FGGY: variants seen among roughly 807,000 people sequenced by gnomAD.
FGGY encodes the protein FGGY carbohydrate kinase domain containing.
A neutral mutation model predicts 71.3 loss-of-function variants in FGGY; 72 were observed. The observed-to-expected ratio is 1.01, with a 90% CI of 0.84 to 1.23. The LOEUF (loss-of-function observed/expected upper bound fraction) is 1.23. Ranked by LOEUF, FGGY falls within the 50% of genes most tolerant of loss-of-function variation. The pLI is 0.00. For missense variants in FGGY, 668 were observed against 682.3 expected (o/e 0.98, Z 0.23); for synonymous variants, 251 against 250.3 (o/e 1.00, Z -0.02).
At chr1:59,461,171 GA>G (rs2092175122) in intron 6 of FGGY, among the ~76,000 whole-genome samples, 2 of 152,076 alleles carry the variant, frequency 1.3e-5, no homozygotes, top group Admixed American at 6.6e-5. Context: ...TAAAAACCTT[GA>G]AAAAAGATTA....
intron 5 of FGGY, among the ~76,000 whole-genome samples, chr1:59,424,450 G>T (rs1288866614): frequency 6.6e-6 from 1 of 152,184 alleles, no homozygotes; most frequent in Non-Finnish European, 1.5e-5. Context: ...GGGAAGCTGA[G>T]GCAGGAGAAT....
chr1:59,485,611 A>T (rs2093634265), intron 6 of FGGY, among the ~76,000 whole-genome samples: 1 of 152,176 alleles, frequency 6.6e-6, no homozygotes, highest in African/African-American at 2.4e-5. Context: ...TTATTAGAAA[A>T]TCACTGTTTT....
At chr1:59,606,775 GGCGGC>G (rs1048394769) in intron 8 of FGGY, among the ~76,000 whole-genome samples, 1 of 152,158 alleles carries the variant, frequency 6.6e-6, no homozygotes, top group African/African-American at 2.4e-5. Context: ...ATATCTAAAT[GGCGGC>G]CTCTATCTTT....
At chr1:59,587,680 C>G (rs1558451049) in intron 8 of FGGY, among the ~76,000 whole-genome samples, 1 of 152,222 alleles carries the variant, frequency 6.6e-6, no homozygotes, top group Non-Finnish European at 1.5e-5. Flanking sequence ...GTTACCCAGG[C>G]AAACAGGGTC....
At chr1:59,369,920 C>G (rs1043512966) in intron 4 of FGGY, among the ~76,000 whole-genome samples, 2 of 152,078 alleles carry the variant, frequency 1.3e-5, no homozygotes, top group Admixed American at 6.6e-5. Context: ...CTGTATATCA[C>G]CATCATCAAA....
At chr1:59,463,371 C>G (rs932502855) in intron 6 of FGGY, among the ~76,000 whole-genome samples, 2 of 152,044 alleles carry the variant, frequency 1.3e-5, no homozygotes, top group African/African-American at 4.8e-5. Flanking sequence ...GCACTACACA[C>G]GGAAAGGAAC....
At chr1:59,464,370 G>A (rs2092467618) in intron 6 of FGGY, among the ~76,000 whole-genome samples, 1 of 152,202 alleles carries the variant, frequency 6.6e-6, no homozygotes, top group South Asian at 2.1e-4. Context: ...AAAGCAGTGT[G>A]TAGAGGGAAA....
At chr1:59,334,531 G>A (rs986917209) in intron 2 of FGGY, among the ~76,000 whole-genome samples, 4 of 152,122 alleles carry the variant, frequency 2.6e-5, no homozygotes, top group African/African-American at 7.2e-5. Context: ...CAAACATATG[G>A]CACATAGTAG....
intron 12 of FGGY, among the ~76,000 whole-genome samples, chr1:59,662,411 T>C (rs573846110): frequency 6.6e-6 from 1 of 152,132 alleles, no homozygotes; most frequent in African/African-American, 2.4e-5. Flanking sequence ...TACGTAGATA[T>C]TATAATTCCT....
chr1:59,543,577 C>A (rs1434806837), intron 7 of FGGY, among the ~76,000 whole-genome samples: 2 of 152,210 alleles, frequency 1.3e-5, no homozygotes, highest in African/African-American at 4.8e-5. Context: ...CTAACCCTGA[C>A]AAAACCTTTG....
At chr1:59,391,569 G>A (rs138216991) in intron 5 of FGGY, among the ~76,000 whole-genome samples, 35 of 152,298 alleles carry the variant, frequency 2.3e-4, no homozygotes, top group African/African-American at 6.0e-4. Context: ...AGGGTGAGAA[G>A]CCCCATCTTT....
chr1:59,361,789 C>A (rs1344243986), intron 4 of FGGY, among the ~76,000 whole-genome samples: 1 of 152,176 alleles, frequency 6.6e-6, no homozygotes, highest in Non-Finnish European at 1.5e-5. Flanking sequence ...GCACTCACGT[C>A]CTCACTGGGC....
At chr1:59,484,734 A>G (rs953380042) in intron 6 of FGGY, among the ~76,000 whole-genome samples, 1 of 152,206 alleles carries the variant, frequency 6.6e-6, no homozygotes, top group African/African-American at 2.4e-5. Context: ...TCACCATGAT[A>G]AGTGATGAGA....
chr1:59,455,682 GAA>G (rs2153508568), intron 5 of FGGY, among the ~76,000 whole-genome samples: 1 of 152,348 alleles, frequency 6.6e-6, no homozygotes, highest in Admixed American at 6.5e-5. Context: ...GGAGCAATAT[GAA>G]GAAGCAGTTA....
chr1:59,621,134 T>C (rs1365062991), intron 9 of FGGY, among the ~76,000 whole-genome samples: 2 of 151,998 alleles, frequency 1.3e-5, no homozygotes, highest in African/African-American at 4.8e-5. Flanking sequence ...TTGTATTCCT[T>C]CCTTTTCTTA....
intron 11 of FGGY, among the ~76,000 whole-genome samples, chr1:59,638,629 GT>G (rs1436777902): frequency 6.6e-6 from 1 of 152,214 alleles, no homozygotes; most frequent in Non-Finnish European, 1.5e-5. Context: ...GTCCTGTGGA[GT>G]GGCTAAAAGT....
chr1:59,453,759 G>T (rs1362292792), intron 5 of FGGY, among the ~76,000 whole-genome samples: 1 of 152,146 alleles, frequency 6.6e-6, no homozygotes, highest in East Asian at 1.9e-4. Flanking sequence ...GAACTGGCAT[G>T]CAGTTACTTC....
intron 7 of FGGY, among the ~76,000 whole-genome samples, chr1:59,549,766 C>G (rs535412192): frequency 5.4e-4 from 83 of 152,298 alleles, no homozygotes; most frequent in Non-Finnish European, 9.7e-4. Flanking sequence ...ATAACATTTG[C>G]AAAGTCTCTT....
chr1:59,391,415 C>T (rs1363978261), intron 5 of FGGY, among the ~76,000 whole-genome samples: 1 of 152,182 alleles, frequency 6.6e-6, no homozygotes, highest in Non-Finnish European at 1.5e-5. Context: ...TGAGTTAAGG[C>T]ACAGGTTCTC....
Sources: gnomAD v4.1 joint callset for allele counts (sites outside exome capture counted in the v4.1 genomes callset) on GRCh38, gnomAD v4.1.1 for gene constraint, MANE v1.5 for transcripts, NCBI Gene and HGNC (gene_info 2026-07-23, HGNC 2026-07-21) for gene names.